The following ISY1 variants were observed in gnomAD, a reference collection of about 807,000 sequenced individuals.
ISY1 encodes the protein ISY1 spliceosome associated protein.
Under a neutral mutation model 54.4 loss-of-function variants are expected in ISY1, and 12 were observed. The ratio of observed to expected loss-of-function variants is 0.22; its 90% CI spans 0.14 to 0.36. ISY1 has a LOEUF of 0.36. ISY1 is among the 10% of genes least tolerant of loss of function. ISY1 has a pLI of 1.00. For synonymous variants in ISY1, 96 were observed against 117.9 expected (o/e 0.81, Z 1.20); for missense variants, 282 against 342.2 (o/e 0.82, Z 1.39).
intron 5 of ISY1, among the ~76,000 whole-genome samples, chr3:129,148,215 T>A (rs1008076025): frequency 1.3e-5 from 2 of 152,184 alleles, no homozygotes; most frequent in Non-Finnish European, 2.9e-5. Flanking sequence ...GACCTTTGGG[T>A]TGCTTCCAGT....
chr3:129,152,674 G>A (rs964939510), intron 5 of ISY1, among the ~76,000 whole-genome samples: 2 of 152,152 alleles, frequency 1.3e-5, no homozygotes, highest in Admixed American at 6.6e-5. Flanking sequence ...CCAAAGTGCT[G>A]GAATTACAGG....
rs1317346517 is a variant in ISY1 at position 129,140,472 on chromosome 3, T to C, written c.314A>G (p.Lys105Arg). The C allele has an allele frequency of 2.2e-5, 36 of 1,607,578 alleles. No homozygotes were observed. The highest frequency in any genetic ancestry group is 3.1e-5 in the Non-Finnish European group (36 of 1,178,536). The part of the protein sequence containing the change: ...GGPDYGKVGP[K>R]MLDHEGKEVP... ...TTCTTTTCCTTCATGATCCAGCATTTTAGGGCCAACTTTCTTATTGGGAAG... is the reference window on the plus strand; with the variant it reads ...TTCTTTTCCTTCATGATCCAGCATTCTAGGGCCAACTTTCTTATTGGGAAG... Residue 105 changes from lysine to arginine, a missense_variant, in exon 7 of 11, where the codon AAA becomes AGA. By Grantham distance (26) the Lys-to-Arg change is conservative. Transcript: ENST00000393295.
In ISY1 at chr3:129,128,593, C is replaced by G. The variant is rs949913380; in HGVS notation, c.*1488G>C. 6.5e-6 allele frequency: 1 copy of G among 152,976 alleles called. No homozygotes were observed. The allele number at this position is 152,976 out of a possible 1,614,324, so 9.5% of individuals were successfully genotyped here. A position where few individuals can be genotyped will look rare whatever the true frequency, so the allele number is the denominator to read the frequency against. ...CGGGCTCCTTAGAGAGGGCCCAGCA[C>G]TGGCCACTCTCCCGACTTGGCCACA... On this transcript the variant is annotated 3_prime_UTR_variant, in exon 11 of 11. Transcript: ENST00000393295.
intron 10 of ISY1, 95 bp from the exon 11 acceptor site, chr3:129,130,283 T>A: frequency 6.8e-7 from 1 of 1,463,114 alleles, no homozygotes; most frequent in African/African-American, 1.4e-5. Flanking sequence ...GAGAAGTCCA[T>A]CAAGGAGTCT....
At chr3:129,137,914 CAAAAAAAAA>C (rs1175621872) in intron 7 of ISY1, among the ~76,000 whole-genome samples, 4 of 38,136 alleles carry the variant, frequency 1.0e-4, no homozygotes, top group Non-Finnish European at 1.6e-4. Flanking sequence ...GACTCCATGT[CAAAAAAAAA>C]AAAAAAAAAA....
chr3:129,148,941 G>A (rs981868365), intron 5 of ISY1, among the ~76,000 whole-genome samples: 6 of 152,210 alleles, frequency 3.9e-5, no homozygotes, highest in South Asian at 4.1e-4. Flanking sequence ...TTTTCTAATC[G>A]ATGAATTTTT....
intron 5 of ISY1, among the ~76,000 whole-genome samples, chr3:129,147,861 T>TA (rs1466521718): frequency 6.6e-6 from 1 of 152,210 alleles, no homozygotes; most frequent in Non-Finnish European, 1.5e-5. Flanking sequence ...GAACATCATA[T>TA]AAATGGATCA....
chr3:129,140,420 G>A lies in ISY1; in HGVS notation c.366C>T (p.Tyr122=), dbSNP rs780300226. Residue 122 remains tyrosine, a synonymous_variant, in exon 7 of 11, where the codon TAC becomes TAT. Coordinates refer to ENST00000393295, the MANE Select transcript of ISY1 (RefSeq NM_020701.4). ...KEVPGNRGYK[Y]FGAAKDLPGV... ...CAGGCAAATCTTTTGCTGCTCCAAA[G>A]TACTTGTAACCTCGGTTTCCTGGGA... 5.0e-6 allele frequency: 8 copies of A among 1,613,306 alleles called. No individual in the cohort carries two copies. In the South Asian group the frequency reaches 6.6e-5, roughly 13 times the overall value.
At chr3:129,140,069 C>T (rs1245045940) in intron 7 of ISY1, among the ~76,000 whole-genome samples, 3 of 152,218 alleles carry the variant, frequency 2.0e-5, no homozygotes, top group African/African-American at 4.8e-5. Flanking sequence ...CTGCCCCAAT[C>T]GTTCTGGGAA....
chr3:129,153,360 A>G (rs1479023681), intron 5 of ISY1, among the ~76,000 whole-genome samples: 1 of 152,164 alleles, frequency 6.6e-6, no homozygotes, highest in Admixed American at 6.6e-5. Flanking sequence ...TTTCTTTTTG[A>G]ACTGTGTCTC....
chr3:129,139,943 C>T lies in ISY1; in HGVS notation c.418+425G>A, dbSNP rs184225472. 2.9e-3 allele frequency among the ~76,000 whole-genome samples: 448 copies of T among 152,176 alleles called. 1 individual carries two copies. The highest frequency in any genetic ancestry group is 5.5e-3 in the Non-Finnish European group (372 of 67,970). ...AGGCATGAGCCACAGTGCTGGGCCTCACTTTTCTCCATTTTTACATTTAGG... is the reference window on the plus strand; with the variant it reads ...AGGCATGAGCCACAGTGCTGGGCCTTACTTTTCTCCATTTTTACATTTAGG... On this transcript the variant is annotated intron_variant, in intron 7 of 10. Transcript: ENST00000393295.
intron 7 of ISY1, among the ~76,000 whole-genome samples, chr3:129,139,910 G>A (rs1449436615): frequency 2.0e-5 from 3 of 152,130 alleles, no homozygotes; most frequent in Non-Finnish European, 2.9e-5. Flanking sequence ...CCAAAGTGCT[G>A]GGATTACAGG....
intron 5 of ISY1, among the ~76,000 whole-genome samples, chr3:129,156,309 G>A (rs1937139152): frequency 6.7e-6 from 1 of 148,842 alleles, no homozygotes; most frequent in African/African-American, 2.5e-5. Context: ...TGAGGCAGGA[G>A]AATGGCGTGA....
chr3:129,151,215 G>GGT (rs887095612), intron 5 of ISY1, among the ~76,000 whole-genome samples: 1 of 147,774 alleles, frequency 6.8e-6, no homozygotes, highest in Non-Finnish European at 1.5e-5. Context: ...ATATATATGG[G>GGT]GTGTGTGTGT....
chr3:129,148,390 T>C (rs1936837960), intron 5 of ISY1, among the ~76,000 whole-genome samples: 1 of 152,210 alleles, frequency 6.6e-6, no homozygotes, highest in Non-Finnish European at 1.5e-5. Flanking sequence ...TGTTCCATTT[T>C]GCCTCCTCAC....
chr3:129,158,513 C>A lies in ISY1; in HGVS notation c.73G>T (p.Val25Leu), dbSNP rs770257274. The A allele has an allele frequency of 1.9e-6, 3 of 1,613,848 alleles. No individual in the cohort carries two copies. The African/African-American group carries it at 4.0e-5, about 22-fold the overall frequency. ...FRQAQLEEGK[V>L]KERRPFLASE... ...TGAGGAAGATTTACACCAACCTTCACTTTTCCCTCTTCCAGCTGAGCCTGG... is the reference window on the plus strand; with the variant it reads ...TGAGGAAGATTTACACCAACCTTCAATTTTCCCTCTTCCAGCTGAGCCTGG... Residue 25 changes from valine to leucine, a missense_variant, in exon 3 of 11, where the codon GTG (valine) becomes TTG (leucine). Transcript: ENST00000393295.
At chr3:129,136,275 T>G (rs1182161544) in intron 7 of ISY1, among the ~76,000 whole-genome samples, 1 of 150,842 alleles carries the variant, frequency 6.6e-6, no homozygotes, top group Non-Finnish European at 1.5e-5. Flanking sequence ...CTAATTTTTG[T>G]ATTTTTAGTA....
At position 129,129,514 on chromosome 3, in the gene ISY1, C is replaced by CCA. The variant is rs1936180766; in HGVS notation, c.*566_*567insTG. The CCA allele has an allele frequency of 6.6e-6, 1 of 152,260 alleles. No individual in the cohort carries two copies. Among genetic ancestry groups the CCA allele is most frequent in the African/African-American group, 2.4e-5 (1 of 41,390 alleles). The allele number at this position is 152,260 out of a possible 1,614,324, so 9.4% of individuals were successfully genotyped here. On this transcript the variant is annotated 3_prime_UTR_variant, in exon 11 of 11. Transcript: ENST00000393295. ...TCAGCCTCCCAAGCAGCTGGGACTA[C>CCA]AGGTGCATGCCAGTACGCCCAGCTA...
At chr3:129,130,783 G>C (rs918935230) in intron 9 of ISY1, 147 bp from the exon 10 acceptor site, 4 of 813,346 alleles carry the variant, frequency 4.9e-6, no homozygotes, top group Non-Finnish European at 7.3e-6. Context: ...TGACCCACAA[G>C]ATTAAGTAAA....
Sources: allele counts gnomAD v4.1 joint callset (sites outside exome capture counted in the v4.1 genomes callset), GRCh38; gene constraint gnomAD v4.1.1; transcripts MANE v1.5; gene names NCBI Gene and HGNC (gene_info 2026-07-23, HGNC 2026-07-21).